The following STPG2 variants were observed in gnomAD, a reference collection of about 807,000 sequenced individuals.
The protein encoded by STPG2 is sperm-tail PG-rich repeat-containing protein 2.
A neutral mutation model predicts 54.2 loss-of-function variants in STPG2; 56 were observed. That is an observed-to-expected ratio of 1.03 (90% CI 0.83 to 1.29). STPG2 has a LOEUF of 1.29. Ranked by LOEUF, STPG2 falls within the 50% of genes most tolerant of loss-of-function variation. STPG2 has a pLI of 0.00. For missense variants in STPG2, 596 were observed against 544.9 expected (o/e 1.09, Z -0.93); for synonymous variants, 200 against 181.8 (o/e 1.10, Z -0.81).
At chr4:98,050,458 G>A (rs1014884878) in intron 5 of STPG2, among the ~76,000 whole-genome samples, 4 of 143,982 alleles carry the variant, frequency 2.8e-5, no homozygotes, top group Admixed American at 2.1e-4. Flanking sequence ...TTAAAAAAAA[G>A]GGGGTTCTGC....
intron 4 of STPG2, among the ~76,000 whole-genome samples, chr4:97,519,692 A>T (rs1373790304): frequency 6.6e-6 from 1 of 151,998 alleles, no homozygotes; most frequent in African/African-American, 2.4e-5. Context: ...TGAATAGAGG[A>T]TGTCATTTAA....
At chr4:97,922,318 A>T (rs1732140984) in intron 8 of STPG2, among the ~76,000 whole-genome samples, 1 of 151,840 alleles carries the variant, frequency 6.6e-6, no homozygotes, top group South Asian at 2.1e-4. Flanking sequence ...GCTGGAGAAA[A>T]AAAGGAAAAA....
chr4:97,522,377 G>C (rs977939039), intron 4 of STPG2, among the ~76,000 whole-genome samples: 14 of 151,932 alleles, frequency 9.2e-5, no homozygotes, highest in African/African-American at 2.9e-4. Flanking sequence ...TTGTAGTGTA[G>C]AGTTTAGAAG....
intron 10 of STPG2, among the ~76,000 whole-genome samples, chr4:97,707,963 C>A (rs149446574): frequency 1.3e-5 from 2 of 152,058 alleles, no homozygotes; most frequent in Non-Finnish European, 2.9e-5. Flanking sequence ...GGTAAAATTT[C>A]TTAGATAAGT....
At chr4:97,595,455 A>G (rs1231318306) in intron 10 of STPG2, among the ~76,000 whole-genome samples, 1 of 151,460 alleles carries the variant, frequency 6.6e-6, no homozygotes, top group East Asian at 2.0e-4. Flanking sequence ...GTCATGGGGT[A>G]GGGGGAGAGG....
At chr4:98,065,096 A>G (rs945996162) in intron 5 of STPG2, among the ~76,000 whole-genome samples, 2 of 152,144 alleles carry the variant, frequency 1.3e-5, no homozygotes, top group Non-Finnish European at 1.5e-5. Context: ...AAGGAAGGAT[A>G]TTCATCTTAA....
intron 5 of STPG2, among the ~76,000 whole-genome samples, chr4:98,012,881 G>A (rs1202712613): frequency 1.3e-5 from 2 of 152,140 alleles, no homozygotes; most frequent in Non-Finnish European, 2.9e-5. Flanking sequence ...AAATATACAA[G>A]CATGTCATCT....
At chr4:97,566,704 A>G (rs569157259) in intron 10 of STPG2, among the ~76,000 whole-genome samples, 10 of 152,196 alleles carry the variant, frequency 6.6e-5, no homozygotes, top group African/African-American at 2.2e-4. Context: ...ATGCAGCCAT[A>G]AAAAATGATG....
At chr4:97,620,338 C>A (rs1392091755) in intron 10 of STPG2, among the ~76,000 whole-genome samples, 1 of 152,144 alleles carries the variant, frequency 6.6e-6, no homozygotes, top group Non-Finnish European at 1.5e-5. Flanking sequence ...TTTTTGAGCA[C>A]TAATCTATAA....
At chr4:97,862,791 C>T (rs533227316) in intron 8 of STPG2, among the ~76,000 whole-genome samples, 5 of 152,312 alleles carry the variant, frequency 3.3e-5, no homozygotes, top group Middle Eastern at 3.4e-3. Flanking sequence ...GATTAAGAAA[C>T]TCACTCAAAA....
chr4:97,593,491 G>A (rs1239307930), intron 10 of STPG2, among the ~76,000 whole-genome samples: 3 of 152,102 alleles, frequency 2.0e-5, no homozygotes, highest in Non-Finnish European at 1.5e-5. Flanking sequence ...TTTGTACACG[G>A]ATGCCAACAA....
At chr4:97,967,308 G>C (rs1459231837) in intron 7 of STPG2, among the ~76,000 whole-genome samples, 1 of 151,078 alleles carries the variant, frequency 6.6e-6, no homozygotes, top group Non-Finnish European at 1.5e-5. Context: ...TCAACAAAAA[G>C]AGCTAACTAC....
chr4:97,921,184 G>A (rs1340802261), intron 8 of STPG2, among the ~76,000 whole-genome samples: 3 of 152,098 alleles, frequency 2.0e-5, no homozygotes, highest in Non-Finnish European at 4.4e-5. Context: ...AGAGTGAAGT[G>A]ATCACCTAAC....
intron 9 of STPG2, among the ~76,000 whole-genome samples, chr4:97,813,677 TAAAAAAA>T (rs869298230): frequency 1.1e-3 from 50 of 45,936 alleles, no homozygotes; most frequent in South Asian, 4.3e-3. Flanking sequence ...CCCTGTCTCT[TAAAAAAA>T]AAAAAAAAAA....
intron 10 of STPG2, among the ~76,000 whole-genome samples, chr4:97,639,177 G>T (rs1721674185): frequency 6.6e-6 from 1 of 151,982 alleles, no homozygotes. Flanking sequence ...AAAAAATGAT[G>T]AGTTCATGTC....
intron 5 of STPG2, among the ~76,000 whole-genome samples, chr4:98,046,642 A>C (rs1248532771): frequency 6.6e-6 from 1 of 152,136 alleles, no homozygotes; most frequent in Non-Finnish European, 1.5e-5. Context: ...GCGGCCAAAA[A>C]AGTTGAGGAG....
chr4:97,904,296 A>AC lies in STPG2; in HGVS notation c.1044+39600dup, dbSNP rs1199690036. Among the ~76,000 whole-genome samples, 3 of 152,118 alleles carry AC rather than the reference A, an allele frequency of 2.0e-5. No homozygotes were observed. In the East Asian group the frequency reaches 5.8e-4, roughly 29 times the overall value. ...TCCTCAAGTGGGTCCCTGACCCCTGACCCCCGAGCAGCCTAACTGGGAGGC... is the reference window on the plus strand; with the variant it reads ...TCCTCAAGTGGGTCCCTGACCCCTGACCCCCCGAGCAGCCTAACTGGGAGGC... On this transcript the variant is annotated intron_variant, in intron 8 of 10. Transcript: ENST00000295268.
At chr4:97,903,724 G>A (rs991262897) in intron 8 of STPG2, among the ~76,000 whole-genome samples, 8 of 152,184 alleles carry the variant, frequency 5.3e-5, no homozygotes, top group South Asian at 2.1e-4. Flanking sequence ...GACAGTGGGC[G>A]CAGGTCAGTG....
chr4:97,816,032 C>A (rs553254958), intron 9 of STPG2, among the ~76,000 whole-genome samples: 1 of 152,180 alleles, frequency 6.6e-6, no homozygotes, highest in African/African-American at 2.4e-5. Context: ...CCTCCCCTAG[C>A]CTCCCATCCC....
Sources: allele counts gnomAD v4.1 joint callset (sites outside exome capture counted in the v4.1 genomes callset), GRCh38; gene constraint gnomAD v4.1.1; transcripts MANE v1.5; gene names NCBI Gene and HGNC (gene_info 2026-07-23, HGNC 2026-07-21).